NCAM1: variants seen among roughly 807,000 people sequenced by gnomAD.
The protein encoded by NCAM1 is antigen recognized by monoclonal antibody 5.1H11.
In NCAM1, 14 loss-of-function variants were observed where a neutral mutation model predicts 109.8. That is an observed-to-expected ratio of 0.13 (90% CI 0.08 to 0.20). The LOEUF (loss-of-function observed/expected upper bound fraction) is 0.20, where lower values mean the gene tolerates loss of function less well. Ranked by LOEUF, NCAM1 falls within the 10% of genes least tolerant of loss-of-function variation. The pLI is 1.00. For missense variants in NCAM1, 774 were observed against 1,109.9 expected (o/e 0.70, Z 4.30); for synonymous variants, 418 against 442.9 (o/e 0.94, Z 0.70).
chr11:113,258,620 T>G (rs1945892409), intron 16 of NCAM1, among the ~76,000 whole-genome samples: 1 of 152,238 alleles, frequency 6.6e-6, no homozygotes, highest in South Asian at 2.1e-4. Flanking sequence ...ACCTATTGTA[T>G]ATTTCAAACT....
At chr11:113,011,778 T>C (rs577639171) in intron 1 of NCAM1, among the ~76,000 whole-genome samples, 3 of 152,158 alleles carry the variant, frequency 2.0e-5, no homozygotes, top group Admixed American at 6.5e-5. Context: ...AAGGGGCTTA[T>C]GCTCATCAAC....
At chr11:113,029,705 T>C (rs959490400) in intron 1 of NCAM1, among the ~76,000 whole-genome samples, 3 of 152,242 alleles carry the variant, frequency 2.0e-5, no homozygotes, top group Non-Finnish European at 2.9e-5. Context: ...AAGCATGCTT[T>C]TTTTAAACAT....
rs1946403385 is a variant in NCAM1, at chr11:113,276,668, T to G, written c.*1281T>G. The G allele has an allele frequency of 6.6e-6, 1 of 152,622 alleles. No individual in the cohort carries two copies. Among genetic ancestry groups the G allele is most frequent in the African/African-American group, 2.4e-5 (1 of 41,436 alleles). 9.5% of individuals were successfully genotyped at this position (152,622 alleles called of 1,614,324 possible). ...TGTGCTTCAGGGAATTAGTGTCTTT[T>G]TTTGGAAATCTGTTGAAGTAAAGTA... On this transcript the variant is annotated 3_prime_UTR_variant, in exon 20 of 20. Transcript: ENST00000316851.
chr11:113,258,856 C>T lies in NCAM1; in HGVS notation c.1954-1290C>T, dbSNP rs184062819. ...GAAAGATCATAGTTTTGGGCCCAAA[C>T]GAACTTAGCTCCAGCCTTGACTGCA... On this transcript the variant is annotated intron_variant, in intron 16 of 19. Transcript: ENST00000316851. Among the ~76,000 whole-genome samples the T allele has an allele frequency of 1.4e-4, 21 of 152,216 alleles. No individual in the cohort carries two copies. The East Asian group carries it at 3.9e-3, about 28-fold the overall frequency.
At chr11:113,156,140 G>A (rs186921795) in intron 1 of NCAM1, among the ~76,000 whole-genome samples, 65 of 152,234 alleles carry the variant, frequency 4.3e-4, no homozygotes, top group Non-Finnish European at 7.5e-4. Context: ...ACTTGACAAC[G>A]GGGAGAAACA....
In NCAM1 at chr11:113,249,427, G is replaced by A. The variant is rs79797436; in HGVS notation, c.1828+3057G>A. Reference sequence around the variant, plus strand: ...GAGGTGTGTCAGCCCGAATCCTGTGGGCAGGGACTGTGGGCAGGGACTGTG... The same window carrying A: ...GAGGTGTGTCAGCCCGAATCCTGTGAGCAGGGACTGTGGGCAGGGACTGTG... On this transcript the variant is annotated intron_variant, in intron 15 of 19. Transcript: ENST00000316851. 4.8e-3 allele frequency among the ~76,000 whole-genome samples: 728 copies of A among 151,988 alleles called. 2 individuals carry two copies. The highest frequency in any genetic ancestry group is 8.1e-3 in the Non-Finnish European group (551 of 68,006).
chr11:113,217,392 C>T (rs1944560682), intron 8 of NCAM1, among the ~76,000 whole-genome samples: 1 of 152,220 alleles, frequency 6.6e-6, no homozygotes, highest in Admixed American at 6.5e-5. Context: ...GTCCACTCCT[C>T]TTACCTTGAA....
At chr11:113,102,082 C>T (rs184741934) in intron 1 of NCAM1, among the ~76,000 whole-genome samples, 277 of 152,308 alleles carry the variant, frequency 1.8e-3, no homozygotes, top group African/African-American at 6.4e-3. Context: ...ATTCTGCAAA[C>T]TCATTATTTG....
intron 1 of NCAM1, among the ~76,000 whole-genome samples, chr11:113,107,470 A>G (rs2135924454): frequency 1.3e-5 from 2 of 152,300 alleles, no homozygotes; most frequent in South Asian, 4.1e-4. Context: ...TGCTGGTGAT[A>G]AAGACATACC....
intron 1 of NCAM1, among the ~76,000 whole-genome samples, chr11:113,106,368 A>G (rs1285447572): frequency 1.3e-5 from 2 of 152,206 alleles, no homozygotes; most frequent in African/African-American, 4.8e-5. Flanking sequence ...TGTGGTTTGT[A>G]TACATTTTCC....
rs2137800255 is a variant in NCAM1 at position 113,273,163 on chromosome 11, C to G, written c.2456+1287C>G. 1 of 412,296 alleles carries G rather than the reference C, an allele frequency of 2.4e-6. No individual in the cohort carries two copies. 25.5% of individuals were successfully genotyped at this position (412,296 alleles called of 1,614,324 possible). A position where few individuals can be genotyped will look rare whatever the true frequency, so the allele number is the denominator to read the frequency against. On this transcript the variant is annotated intron_variant, in intron 19 of 19. Coordinates refer to ENST00000316851, the MANE Select transcript of NCAM1 (RefSeq NM_181351.5). This position sits in a 1 kb window ranked among gnomAD's most constrained non-coding sequence, Gnocchi z 6.0. The stretch of plus-strand genomic sequence containing the variant: ...TCCAAGGGGCCCAGCGCCTCTGCCC[C>G]CTCCCCGGCCCCAGCTTCAGCCCCC...
chr11:113,057,911 C>T (rs1027792120), intron 1 of NCAM1, among the ~76,000 whole-genome samples: 2 of 152,108 alleles, frequency 1.3e-5, no homozygotes, highest in Admixed American at 6.6e-5. Context: ...AGTACAGAAG[C>T]TATGGAAGGA....
intron 1 of NCAM1, among the ~76,000 whole-genome samples, chr11:113,034,682 A>G (rs539013724): frequency 2.4e-4 from 36 of 152,346 alleles, no homozygotes; most frequent in Admixed American, 6.5e-5. Flanking sequence ...TGAAGATTAA[A>G]TATTGTTTTA....
At chr11:113,240,817 A>T in intron 14 of NCAM1, 1 of 1,612,714 alleles carries the variant, frequency 6.2e-7, no homozygotes, top group South Asian at 1.1e-5. Flanking sequence ...CCCCTGTTCC[A>T]TTGTCTCCAC....
At chr11:113,204,133 G>A (rs1349623386) in intron 2 of NCAM1, among the ~76,000 whole-genome samples, 153 bp from the exon 3 acceptor site, 4 of 152,164 alleles carry the variant, frequency 2.6e-5, no homozygotes, top group Admixed American at 2.6e-4. Flanking sequence ...AGGGCTGCAT[G>A]TCATTCCAGC....
intron 1 of NCAM1, among the ~76,000 whole-genome samples, chr11:113,022,718 G>A (rs141458192): frequency 4.6e-5 from 7 of 152,156 alleles, no homozygotes; most frequent in South Asian, 2.1e-4. Context: ...AGGCAGGTAC[G>A]TAGGTAGGTA....
chr11:113,216,146 A>ATTTTTTTTTTTTTTTTTTTT (rs34687568), intron 8 of NCAM1, among the ~76,000 whole-genome samples: 1 of 101,506 alleles, frequency 9.9e-6, no homozygotes, highest in Non-Finnish European at 1.9e-5. Flanking sequence ...CTATGATTTC[A>ATTTTTTTTTTTTTTTTTTTT]TTTTTTTTTT....
At chr11:113,168,296 G>C (rs1388308427) in intron 1 of NCAM1, among the ~76,000 whole-genome samples, 1 of 152,082 alleles carries the variant, frequency 6.6e-6, no homozygotes, top group African/African-American at 2.4e-5. Context: ...TGTTTGTTTT[G>C]TTTTTGTTTT....
chr11:113,080,666 T>C (rs1191796358), intron 1 of NCAM1, among the ~76,000 whole-genome samples: 1 of 152,196 alleles, frequency 6.6e-6, no homozygotes, highest in African/African-American at 2.4e-5. Context: ...GAACAGTATT[T>C]TTATAGTGAT....
Sources: allele counts gnomAD v4.1 joint callset (sites outside exome capture counted in the v4.1 genomes callset), GRCh38; gene constraint gnomAD v4.1.1; non-coding constraint Gnocchi (gnomAD v3.1); transcripts MANE v1.5; gene names NCBI Gene and HGNC (gene_info 2026-07-23, HGNC 2026-07-21).